The following CMTM8 variants were observed in gnomAD, a reference collection of about 807,000 sequenced individuals.
CMTM8 encodes CKLF like MARVEL transmembrane domain containing 8, also known as CKLF-like MARVEL transmembrane domain-containing protein 8.
In CMTM8, 12 loss-of-function variants were observed where a neutral mutation model predicts 18.6. The observed-to-expected ratio is 0.65, with a 90% CI of 0.41 to 1.05. The LOEUF is 1.05. CMTM8 is among the 50% of genes least tolerant of loss of function. The probability of loss-of-function intolerance (pLI) is 0.00; values close to 1 mark genes in which losing one functional copy is unlikely to be tolerated. For synonymous variants in CMTM8, 87 were observed against 90.6 expected (o/e 0.96, Z 0.23); for missense variants, 217 against 227.2 (o/e 0.95, Z 0.29).
intron 1 of CMTM8, among the ~76,000 whole-genome samples, chr3:32,273,569 T>C (rs975894475): frequency 2.0e-5 from 3 of 152,092 alleles, no homozygotes; most frequent in African/African-American, 7.2e-5. Context: ...TTATGCTAAG[T>C]GAAAGAAGTC....
At chr3:32,329,078 A>T (rs905226125) in intron 1 of CMTM8, among the ~76,000 whole-genome samples, 65 of 151,174 alleles carry the variant, frequency 4.3e-4, no homozygotes, top group Non-Finnish European at 6.1e-4. Context: ...TCAAAAAAAA[A>T]TTTTTTTTTT....
At chr3:32,362,057 TGGAGATGGAG>T (rs1559390388) in intron 2 of CMTM8, among the ~76,000 whole-genome samples, 448 of 148,994 alleles carry the variant, frequency 3.0e-3, no homozygotes, top group Non-Finnish European at 3.9e-3. Context: ...TTTTTTTTTT[TGGAGATGGAG>T]TCTTACTTTA....
At chr3:32,301,817 G>C (rs1695624122) in intron 1 of CMTM8, among the ~76,000 whole-genome samples, 2 of 152,124 alleles carry the variant, frequency 1.3e-5, no homozygotes, top group African/African-American at 4.8e-5. Flanking sequence ...ATTGGACTGA[G>C]TGTCAAGAGG....
intron 1 of CMTM8, among the ~76,000 whole-genome samples, chr3:32,295,488 AC>A (rs1702863119): frequency 4.2e-5 from 6 of 143,120 alleles, no homozygotes; most frequent in Non-Finnish European, 9.1e-5. Context: ...ACAAAACAAA[AC>A]AGCGGAAAGA....
intron 1 of CMTM8, among the ~76,000 whole-genome samples, chr3:32,316,317 A>G (rs1196564267): frequency 2.0e-5 from 3 of 152,138 alleles, no homozygotes; most frequent in South Asian, 2.1e-4. Flanking sequence ...GTGAGCCACC[A>G]CACCCGGCCA....
intron 1 of CMTM8, among the ~76,000 whole-genome samples, chr3:32,274,799 C>T (rs983733414): frequency 1.3e-5 from 2 of 152,152 alleles, no homozygotes; most frequent in Non-Finnish European, 2.9e-5. Flanking sequence ...CTTTGTCTTT[C>T]ATGACCTTGA....
intron 1 of CMTM8, among the ~76,000 whole-genome samples, chr3:32,269,537 C>T (rs1201505796): frequency 2.0e-5 from 3 of 152,170 alleles, no homozygotes; most frequent in African/African-American, 7.2e-5. Context: ...TTAACTAGGT[C>T]ACTGGTTACT....
At chr3:32,279,056 A>T (rs1410706335) in intron 1 of CMTM8, among the ~76,000 whole-genome samples, 1 of 152,160 alleles carries the variant, frequency 6.6e-6, no homozygotes, top group African/African-American at 2.4e-5. Context: ...CTCTCTTCTC[A>T]GTGTCTTGGC....
At chr3:32,323,042 G>T (rs1430615181) in intron 1 of CMTM8, among the ~76,000 whole-genome samples, 1 of 152,146 alleles carries the variant, frequency 6.6e-6, no homozygotes, top group Non-Finnish European at 1.5e-5. Context: ...CAAGCAAGGA[G>T]GCAGTGAGGT....
At chr3:32,349,298 G>C (rs571838809) in intron 1 of CMTM8, among the ~76,000 whole-genome samples, 1 of 152,182 alleles carries the variant, frequency 6.6e-6, no homozygotes, top group African/African-American at 2.4e-5. Flanking sequence ...TGGCTGGGCT[G>C]TGTGTTGGGG....
At chr3:32,242,614 C>A (rs1701958034) in intron 1 of CMTM8, among the ~76,000 whole-genome samples, 1 of 152,144 alleles carries the variant, frequency 6.6e-6, no homozygotes, top group Non-Finnish European at 1.5e-5. Flanking sequence ...AGGCATGGGC[C>A]ACTGCACCTG....
chr3:32,248,101 C>T (rs75232181), intron 1 of CMTM8, among the ~76,000 whole-genome samples: 2,049 of 152,272 alleles, frequency 0.013, 44 homozygotes, highest in African/African-American at 0.046. Flanking sequence ...ATTTTATTTA[C>T]TCATCAGTTG....
At chr3:32,369,856 C>G in intron 3 of CMTM8, 28 bp from the exon 4 acceptor site, 2 of 1,511,460 alleles carry the variant, frequency 1.3e-6, no homozygotes, top group Non-Finnish European at 1.8e-6. Context: ...CCCTAAACCC[C>G]ACTTCTATTA....
chr3:32,325,834 C>G (rs1300639422), intron 1 of CMTM8, among the ~76,000 whole-genome samples: 1 of 152,210 alleles, frequency 6.6e-6, no homozygotes, highest in African/African-American at 2.4e-5. Context: ...TCCTTCTCAT[C>G]ATTCATTAGT....
At chr3:32,350,699 A>G (rs1696692027) in intron 1 of CMTM8, among the ~76,000 whole-genome samples, 1 of 151,972 alleles carries the variant, frequency 6.6e-6, no homozygotes, top group Non-Finnish European at 1.5e-5. Context: ...TAATTTTTGT[A>G]TTTTTAGTAG....
Position 32,348,529 on chromosome 3 carries a change from C to CTTTTTTTTTTTTTTTTTTTT in CMTM8, c.148-8831_148-8830insTTTTTTTTTTTTTTTTTTTT, listed in dbSNP as rs56252781. On this transcript the variant is annotated intron_variant, in intron 1 of 3. Transcript: ENST00000307526. The stretch of plus-strand genomic sequence containing the variant: ...TTTTCTTCACTCTCTCTTCCTGGAA[C>CTTTTTTTTTTTTTTTTTTTT]TTTTTTTTTTTTTGGAGACAAGATC... 1.7e-3 allele frequency among the ~76,000 whole-genome samples: 175 copies of CTTTTTTTTTTTTTTTTTTTT among 102,022 alleles called. 13 individuals carry two copies. The highest frequency in any genetic ancestry group is 2.5e-3 in the Non-Finnish European group (135 of 53,646). The allele number at this position is 102,022 out of a possible 152,430, so 66.9% of individuals were successfully genotyped here.
At chr3:32,266,954 T>C (rs1702354735) in intron 1 of CMTM8, among the ~76,000 whole-genome samples, 1 of 152,172 alleles carries the variant, frequency 6.6e-6, no homozygotes, top group East Asian at 1.9e-4. Flanking sequence ...TAAAAGAGGA[T>C]ACAAACAAAT....
chr3:32,361,140 C>T (rs2125601546), intron 2 of CMTM8, among the ~76,000 whole-genome samples: 1 of 152,258 alleles, frequency 6.6e-6, no homozygotes, highest in African/African-American at 2.4e-5. Context: ...CGCCACCACG[C>T]CCAGCTAATT....
intron 1 of CMTM8, among the ~76,000 whole-genome samples, chr3:32,335,468 G>A (rs893588712): frequency 6.6e-6 from 1 of 152,184 alleles, no homozygotes; most frequent in Non-Finnish European, 1.5e-5. Context: ...GCATGGAAAT[G>A]TGTGCAGGTA....
Sources: gnomAD v4.1 joint callset for allele counts (sites outside exome capture counted in the v4.1 genomes callset) on GRCh38, gnomAD v4.1.1 for gene constraint, MANE v1.5 for transcripts, NCBI Gene and HGNC (gene_info 2026-07-23, HGNC 2026-07-21) for gene names.